UTRN: variants seen among roughly 807,000 people sequenced by gnomAD.
UTRN encodes the protein dystrophin-related protein 1.
UTRN carries 283 observed loss-of-function variants against 463.9 expected under a neutral mutation model. The observed-to-expected ratio is 0.61, with a 90% CI of 0.55 to 0.67. The LOEUF (loss-of-function observed/expected upper bound fraction) is 0.67. UTRN is among the 30% of genes least tolerant of loss of function. UTRN has a pLI of 0.00. For missense variants in UTRN, 3,922 were observed against 4,084.3 expected (o/e 0.96, Z 1.08); for synonymous variants, 1,442 against 1,431.5 (o/e 1.01, Z -0.17).
At chr6:144,505,852 G>C (rs932542317) in intron 34 of UTRN, among the ~76,000 whole-genome samples, 1 of 152,154 alleles carries the variant, frequency 6.6e-6, no homozygotes, top group Non-Finnish European at 1.5e-5. Flanking sequence ...TGCCAGTTGG[G>C]CGTTAAAGTA....
At chr6:144,746,352 A>G (rs1003054419) in intron 54 of UTRN, among the ~76,000 whole-genome samples, 13 of 152,126 alleles carry the variant, frequency 8.5e-5, no homozygotes, top group Non-Finnish European at 1.6e-4. Flanking sequence ...CTTTCTAATG[A>G]TACACTGGCC....
chr6:144,650,396 AT>A (rs1293651604), intron 51 of UTRN, among the ~76,000 whole-genome samples: 1 of 152,254 alleles, frequency 6.6e-6, no homozygotes, highest in Admixed American at 6.5e-5. Flanking sequence ...ATGTGGGTGT[AT>A]TAATTGGTGA....
chr6:144,594,333 A>AT (rs1803428619), intron 51 of UTRN, among the ~76,000 whole-genome samples: 1 of 152,120 alleles, frequency 6.6e-6, no homozygotes, highest in Non-Finnish European at 1.5e-5. Flanking sequence ...CTCCCAGGAG[A>AT]TTACTGTAGT....
At chr6:144,341,654 A>C (rs911691463) in intron 2 of UTRN, among the ~76,000 whole-genome samples, 1 of 152,252 alleles carries the variant, frequency 6.6e-6, no homozygotes, top group Non-Finnish European at 1.5e-5. Context: ...ATTTACTGAC[A>C]AAAGGCTGCT....
intron 46 of UTRN, among the ~76,000 whole-genome samples, chr6:144,546,892 T>C (rs1048976671): frequency 4.6e-5 from 7 of 152,374 alleles, no homozygotes; most frequent in South Asian, 2.1e-4. Flanking sequence ...TGCAGTTTTA[T>C]ATTTTTTGAA....
chr6:144,396,382 G>A (rs756437848), intron 2 of UTRN, among the ~76,000 whole-genome samples: 5 of 152,144 alleles, frequency 3.3e-5, no homozygotes, highest in Non-Finnish European at 5.9e-5. Context: ...TGGGTATGGG[G>A]ACTTATTGCT....
chr6:144,508,225 TC>T (rs1486592096), intron 34 of UTRN, among the ~76,000 whole-genome samples: 1 of 151,830 alleles, frequency 6.6e-6, no homozygotes, highest in African/African-American at 2.4e-5. Context: ...CTGGCTTCAG[TC>T]CCCTTTCCAG....
intron 69 of UTRN, among the ~76,000 whole-genome samples, chr6:144,829,558 C>T (rs1398010773): frequency 1.3e-5 from 2 of 150,674 alleles, no homozygotes; most frequent in African/African-American, 4.9e-5. Context: ...TTTTTGTGCC[C>T]TGGAATTCAC....
intron 52 of UTRN, among the ~76,000 whole-genome samples, chr6:144,679,349 G>T (rs745486912): frequency 2.6e-5 from 4 of 152,104 alleles, no homozygotes; most frequent in Non-Finnish European, 5.9e-5. Context: ...TAAATTTAGT[G>T]AATACTGGCT....
chr6:144,542,093 A>T lies in UTRN; in HGVS notation c.6520-702A>T, dbSNP rs116842689. Among the ~76,000 whole-genome samples the T allele has an allele frequency of 2.4e-3, 358 of 152,274 alleles. 1 individual carries two copies. The highest frequency in any genetic ancestry group is 0.017 in the East Asian group (87 of 5,180). ...CTTTGAGGGTAGTGGGCAGCTATTG[A>T]TGGGTTTTAAGCAGAGGAAAGTCAT... On this transcript the variant is annotated intron_variant, in intron 45 of 74. Coordinates refer to ENST00000367545, the MANE Select transcript of UTRN (RefSeq NM_007124.3).
intron 61 of UTRN, among the ~76,000 whole-genome samples, chr6:144,788,811 C>G (rs1245727590): frequency 6.6e-6 from 1 of 152,182 alleles, no homozygotes; most frequent in Non-Finnish European, 1.5e-5. Context: ...GATCCGCCTG[C>G]CTTGGCCTCC....
chr6:144,581,934 C>T (rs1428967903), intron 51 of UTRN, among the ~76,000 whole-genome samples: 1 of 152,090 alleles, frequency 6.6e-6, no homozygotes, highest in African/African-American at 2.4e-5. Context: ...ATACTCTATC[C>T]TTTGAATATG....
In UTRN at chr6:144,493,444, C is replaced by A. The variant is rs1231577575; in HGVS notation, c.4581C>A (p.Asp1527Glu). The A allele has an allele frequency of 1.9e-6, 3 of 1,613,866 alleles. No homozygotes were observed. The highest frequency in any genetic ancestry group is 1.7e-5 in the Admixed American group (1 of 60,002). The part of the protein sequence containing the change: ...QLTSLKVLYN[D>E]LGAQVTEGKQ... The stretch of plus-strand genomic sequence containing the variant: ...CTTCCCTGAAGGTTCTTTACAATGA[C>A]CTGGGCGCACAGGTGAGGAGAGCAG... The change falls in exon 33 of 75, where the codon GAC becomes GAA. Residue 1527 changes from aspartate (D) to glutamate (E), a missense_variant. Asp to Glu is a conservative substitution (Grantham distance 45, BLOSUM62 2). This residue lies in a region of UTRN where 2,349 missense variants were observed against 2,303.8 expected (regional missense o/e 1.02). Transcript: ENST00000367545.
intron 56 of UTRN, 128 bp from the exon 57 acceptor site, chr6:144,754,592 G>A (rs1791779064): frequency 3.0e-6 from 2 of 660,924 alleles, no homozygotes; most frequent in Non-Finnish European, 4.7e-6. Context: ...GGGGTCCAAG[G>A]GGTCTATATA....
chr6:144,363,968 T>C (rs529221129), intron 2 of UTRN, among the ~76,000 whole-genome samples: 3 of 152,320 alleles, frequency 2.0e-5, no homozygotes, highest in African/African-American at 7.2e-5. Flanking sequence ...GCATAAGATA[T>C]TTTGTGATCA....
intron 23 of UTRN, among the ~76,000 whole-genome samples, chr6:144,463,122 A>T (rs900163196): frequency 5.9e-5 from 9 of 152,220 alleles, no homozygotes; most frequent in African/African-American, 2.2e-4. Context: ...AAAAATGGTC[A>T]AAATAATGTT....
Position 144,440,366 on chromosome 6 carries a change from T to A in UTRN, c.1407T>A (p.Asp469Glu). Residue 469 changes from aspartate (D) to glutamate (E), a missense_variant, in exon 13 of 75, where the codon GAT (aspartate) becomes GAA (glutamate). Physicochemically the swap from Asp to Glu is conservative, Grantham distance 45. Transcript: ENST00000367545. ...TTTTTCTCTAGAGTTTGCAAAGTGATCTTGAGGCTGAACAGGTGAAAGTAA... is the reference window on the plus strand; with the variant it reads ...TTTTTCTCTAGAGTTTGCAAAGTGAACTTGAGGCTGAACAGGTGAAAGTAA... ...LLEEHKSLQS[D>E]LEAEQVKVNS... 6.2e-7 allele frequency: 1 copy of A among 1,614,190 alleles called. No homozygotes were observed.
intron 2 of UTRN, among the ~76,000 whole-genome samples, chr6:144,374,146 C>G (rs111452968): frequency 0.063 from 9,587 of 152,256 alleles, 352 homozygotes; most frequent in African/African-American, 0.11. Flanking sequence ...AATAGGATAA[C>G]GCTATGGAAT....
chr6:144,743,163 T>A (rs544171308), intron 54 of UTRN, among the ~76,000 whole-genome samples: 6 of 152,278 alleles, frequency 3.9e-5, no homozygotes, highest in Non-Finnish European at 8.8e-5. Context: ...GACATACCAA[T>A]CTCTAGACTG....
Sources: allele counts gnomAD v4.1 joint callset (sites outside exome capture counted in the v4.1 genomes callset), GRCh38; gene constraint gnomAD v4.1.1; regional missense constraint gnomAD v4.1.1; transcripts MANE v1.5; gene names NCBI Gene and HGNC (gene_info 2026-07-23, HGNC 2026-07-21).